TRPM3: variants seen among roughly 807,000 people sequenced by gnomAD.
TRPM3 encodes transient receptor potential cation channel subfamily M member 3, also known as long transient receptor potential channel 3.
In TRPM3, 77 loss-of-function variants were observed where a neutral mutation model predicts 181.2. The observed-to-expected ratio is 0.42, with a 90% CI of 0.35 to 0.51. The LOEUF is 0.51. TRPM3 is among the 20% of genes least tolerant of loss of function. TRPM3 has a pLI of 0.01. For missense variants in TRPM3, 1,759 were observed against 2,196.7 expected, an observed-to-expected ratio of 0.80 and a Z score of 3.98; for synonymous variants, 745 against 796.4, an observed-to-expected ratio of 0.94 and a Z score of 1.09.
chr9:71,032,037 T>TA (rs1565023365), intron 1 of TRPM3, among the ~76,000 whole-genome samples: 21 of 998 alleles, frequency 0.021, no homozygotes, highest in South Asian at 0.091. Context: ...AATATAAATA[T>TA]ATATATATAT....
At chr9:70,822,593 G>A (rs1438340938) in intron 6 of TRPM3, among the ~76,000 whole-genome samples, 1 of 152,178 alleles carries the variant, frequency 6.6e-6, no homozygotes, top group African/African-American at 2.4e-5. Flanking sequence ...CAGAGTTACA[G>A]TTTGGAATGG....
chr9:70,600,255 T>A (rs1277499170), intron 20 of TRPM3, among the ~76,000 whole-genome samples: 4 of 151,844 alleles, frequency 2.6e-5, no homozygotes, highest in Non-Finnish European at 4.4e-5. Flanking sequence ...CTCTGAGGAT[T>A]CCATCTCTTC....
intron 3 of TRPM3, among the ~76,000 whole-genome samples, chr9:70,849,953 C>T (rs542324820): frequency 2.0e-4 from 31 of 152,152 alleles, no homozygotes; most frequent in African/African-American, 5.3e-4. Flanking sequence ...GGCAAAAGCA[C>T]GCAGAATATG....
At chr9:71,157,710 A>G (rs1331772984) in intron 1 of TRPM3, among the ~76,000 whole-genome samples, 1 of 152,188 alleles carries the variant, frequency 6.6e-6, no homozygotes, top group Non-Finnish European at 1.5e-5. Context: ...CAGGGAAACA[A>G]AAACTATAGA....
intron 7 of TRPM3, among the ~76,000 whole-genome samples, chr9:70,780,450 T>A (rs1324602079): frequency 3.3e-5 from 5 of 152,104 alleles, no homozygotes; most frequent in Non-Finnish European, 7.4e-5. Flanking sequence ...CATTTATTTG[T>A]AGTGAAACAT....
intron 5 of TRPM3, among the ~76,000 whole-genome samples, chr9:70,836,347 G>A (rs956452650): frequency 3.3e-5 from 5 of 151,980 alleles, no homozygotes; most frequent in African/African-American, 1.2e-4. Flanking sequence ...CTCACACTGT[G>A]GCTCCCTTTG....
chr9:71,145,469 G>A lies in TRPM3; in HGVS notation c.184-280958C>T, dbSNP rs564227729. Reference sequence around the variant, plus strand: ...GCAGAAAATACCACACCATTGGACTGCATTTACTCAAGAGTGCTCTGAAAG... The same window carrying A: ...GCAGAAAATACCACACCATTGGACTACATTTACTCAAGAGTGCTCTGAAAG... On this transcript the variant is annotated intron_variant, in intron 1 of 24. Transcript: ENST00000357533. 2.6e-5 allele frequency among the ~76,000 whole-genome samples: 4 copies of A among 152,284 alleles called. No homozygotes were observed. In the East Asian group the frequency reaches 7.7e-4, roughly 29 times the overall value.
intron 1 of TRPM3, among the ~76,000 whole-genome samples, chr9:71,196,165 A>ATGTG (rs1385090125): frequency 4.5e-5 from 4 of 89,018 alleles, no homozygotes; most frequent in African/African-American, 1.9e-4. Context: ...ACACACACGT[A>ATGTG]TATGTGTGTG....
chr9:71,282,625 G>C (rs1247601003), intron 1 of TRPM3, among the ~76,000 whole-genome samples: 1 of 152,088 alleles, frequency 6.6e-6, no homozygotes, highest in Non-Finnish European at 1.5e-5. Flanking sequence ...ATCTGTATAG[G>C]AATTTAAAGT....
chr9:70,536,585 G>A lies in TRPM3; in HGVS notation c.4528C>T (p.Arg1510Cys), dbSNP rs1179953388. ...SEPPMYHTIE[R>C]SKSSRYLATT... ...GCTAGGTAGCGGCTACTTTTGGAAC[G>A]CTCAATGGTGTGGTACATCGGAGGC... Residue 1510 changes from arginine (R) to cysteine (C), a missense_variant, in exon 26 of 26, where the codon CGT becomes TGT. By Grantham distance (180) the Arg-to-Cys change is radical. Coordinates refer to ENST00000677713, the MANE Select transcript of TRPM3 (RefSeq NM_001366145.2). 3.7e-6 allele frequency: 6 copies of A among 1,614,116 alleles called. No homozygotes were observed. Among genetic ancestry groups the A allele is most frequent in the Non-Finnish European group, 5.1e-6 (6 of 1,180,010 alleles).
At chr9:70,584,401 C>T (rs2056674340) in intron 22 of TRPM3, among the ~76,000 whole-genome samples, 1 of 152,156 alleles carries the variant, frequency 6.6e-6, no homozygotes, top group Admixed American at 6.5e-5. Context: ...AAAACCCTTT[C>T]TTTTTTGAGT....
chr9:71,017,328 T>C (rs978790), intron 1 of TRPM3, among the ~76,000 whole-genome samples: 53,251 of 151,744 alleles, frequency 0.35, 9,732 homozygotes, highest in Middle Eastern at 0.45. Context: ...GTGGCCTATT[T>C]GAACCAAAAT....
rs573538424 is a variant in TRPM3, at chr9:71,186,780, C to A, written c.183+259873G>T. ...GAACAGATTTGACTGTCTATAAAAT[C>A]TTCAAGTTTTTCTTACATATATTAT... On this transcript the variant is annotated intron_variant, in intron 1 of 24. Coordinates refer to the TRPM3 transcript ENST00000357533. Among the ~76,000 whole-genome samples the A allele has an allele frequency of 4.4e-4, 67 of 152,128 alleles. 1 individual carries two copies. Among genetic ancestry groups the A allele is most frequent in the Admixed American group, 3.4e-3 (52 of 15,238 alleles).
intron 1 of TRPM3, among the ~76,000 whole-genome samples, chr9:71,445,324 C>T (rs2094189196): frequency 6.6e-6 from 1 of 152,102 alleles, no homozygotes; most frequent in South Asian, 2.1e-4. Context: ...ATATTTTCCA[C>T]ATAATTTATT....
At chr9:71,116,243 A>T (rs2072353200) in intron 1 of TRPM3, among the ~76,000 whole-genome samples, 2 of 152,116 alleles carry the variant, frequency 1.3e-5, no homozygotes, top group Admixed American at 1.3e-4. Flanking sequence ...TTGTGGTGGA[A>T]ATTTAACTGT....
At chr9:70,923,915 TAC>T in intron 1 of TRPM3, among the ~76,000 whole-genome samples, 1 of 107,024 alleles carries the variant, frequency 9.3e-6, no homozygotes, top group Non-Finnish European at 2.3e-5. Context: ...CACACATATA[TAC>T]ATATATACAC....
chr9:70,876,476 A>C (rs1229357530), intron 1 of TRPM3, among the ~76,000 whole-genome samples: 4 of 151,600 alleles, frequency 2.6e-5, no homozygotes, highest in Non-Finnish European at 2.9e-5. Context: ...GTCGATTTAA[A>C]AAATTATAAA....
At chr9:70,579,698 G>A (rs763204320) in intron 22 of TRPM3, among the ~76,000 whole-genome samples, 1 of 152,130 alleles carries the variant, frequency 6.6e-6, no homozygotes, top group Non-Finnish European at 1.5e-5. Flanking sequence ...AGAACTTCAG[G>A]TGATCCTGAT....
intron 1 of TRPM3, among the ~76,000 whole-genome samples, chr9:71,338,708 T>C (rs933463467): frequency 2.0e-5 from 3 of 152,090 alleles, no homozygotes; most frequent in Non-Finnish European, 4.4e-5. Flanking sequence ...TTAACACCCA[T>C]TTCAAATAAA....
Sources: allele counts gnomAD v4.1 joint callset (sites outside exome capture counted in the v4.1 genomes callset), GRCh38; gene constraint gnomAD v4.1.1; transcripts MANE v1.5; gene names NCBI Gene and HGNC (gene_info 2026-07-23, HGNC 2026-07-21).